IL5RA: variants seen among roughly 807,000 people sequenced by gnomAD.
The protein encoded by IL5RA is interleukin 5 receptor subunit alpha, also known as interleukin-5 receptor subunit alpha.
Under a neutral mutation model 50.0 loss-of-function variants are expected in IL5RA, and 49 were observed. The observed-to-expected ratio is 0.98, with a 90% CI of 0.78 to 1.24. The LOEUF (loss-of-function observed/expected upper bound fraction) is 1.24. IL5RA is among the 50% of genes most tolerant of loss of function. The probability of loss-of-function intolerance (pLI) is 0.00; values close to 1 mark genes in which losing one functional copy is unlikely to be tolerated. For synonymous variants in IL5RA, 202 were observed against 174.0 expected (o/e 1.16, Z -1.26); for missense variants, 600 against 500.4 (o/e 1.20, Z -1.90).
chr3:3,101,566 T>C, intron 5 of IL5RA, 126 bp downstream of exon 5: 1 of 821,496 alleles, frequency 1.2e-6, no homozygotes, highest in Non-Finnish European at 1.9e-6. Flanking sequence ...ATGTTGTTGA[T>C]ATGGGAGAGT....
rs1315359288 is a variant in IL5RA, at chr3:3,095,394, G to A, written c.760C>T (p.Leu254Phe). The A allele has an allele frequency of 6.2e-7, 1 of 1,611,704 alleles. No homozygotes were observed. The highest frequency in any genetic ancestry group is 8.5e-7 in the Non-Finnish European group (1 of 1,177,894). ...ACTGGTTTCTCCCATTGGATAGAGA[G>A]ACGAGTTCCTTCAATCTCTGCTGTG... ...NVTAEIEGTR[L>F]SIQWEKPVSA... Residue 254 changes from leucine to phenylalanine, a missense_variant, in exon 8 of 12, where the codon CTC becomes TTC. Transcript: ENST00000446632.
chr3:3,094,262 T>C (rs1703258145), intron 8 of IL5RA, among the ~76,000 whole-genome samples: 1 of 152,214 alleles, frequency 6.6e-6, no homozygotes, highest in Admixed American at 6.5e-5. Context: ...CATTAAACAA[T>C]ACCTCTCCTT....
intron 8 of IL5RA, among the ~76,000 whole-genome samples, 157 bp downstream of exon 8, chr3:3,095,142 A>G (rs1410271151): frequency 6.6e-6 from 1 of 152,218 alleles, no homozygotes; most frequent in Non-Finnish European, 1.5e-5. Flanking sequence ...TTTGGTTTAT[A>G]TCTATTTGGT....
chr3:3,091,853 C>A (rs1703124831), intron 9 of IL5RA: 1 of 352,182 alleles, frequency 2.8e-6, no homozygotes, highest in Non-Finnish European at 4.1e-6. Flanking sequence ...TAAGATGTTA[C>A]CCTTGAGGAA....
At chr3:3,073,106 G>T (rs1167458814) in intron 11 of IL5RA, among the ~76,000 whole-genome samples, 1 of 152,172 alleles carries the variant, frequency 6.6e-6, no homozygotes, top group Non-Finnish European at 1.5e-5. Flanking sequence ...TGGGCAGAAT[G>T]ATTCTTTTGC....
At chr3:3,076,476 T>C in intron 10 of IL5RA, 55 bp downstream of exon 10, 1 of 1,129,354 alleles carries the variant, frequency 8.9e-7, no homozygotes. Context: ...GGTAAGCCTG[T>C]AAAAATGCAG....
chr3:3,076,531 A>G lies in IL5RA; in HGVS notation c.1091T>C (p.Ile364Thr), dbSNP rs377354558. The G allele has an allele frequency of 6.3e-7, 1 of 1,595,932 alleles. No homozygotes were observed. The highest frequency in any genetic ancestry group is 1.3e-5 in the African/African-American group (1 of 74,486). Residue 364 changes from isoleucine (I) to threonine (T), a missense_variant and splice_region_variant, in exon 10 of 12, where the codon ATA becomes ACA. Coordinates refer to ENST00000446632, the MANE Select transcript of IL5RA (RefSeq NM_175726.4). Reference sequence around the variant, plus strand: ...GCACGCAAATGTAAAGAACACTTACATTTTACAGATAAGCGAGAGAATTAA... The same window carrying G: ...GCACGCAAATGTAAAGAACACTTACGTTTTACAGATAAGCGAGAGAATTAA... ...ILLILSLICK[I>T]CHLWIKLFPP...
At chr3:3,102,227 A>C (rs1252452333) in intron 4 of IL5RA, among the ~76,000 whole-genome samples, 7 of 152,200 alleles carry the variant, frequency 4.6e-5, no homozygotes, top group Non-Finnish European at 7.3e-5. Flanking sequence ...CCCGAGGTAA[A>C]ACTGAGGCTC....
chr3:3,087,381 G>A (rs1702909029), intron 9 of IL5RA, among the ~76,000 whole-genome samples: 1 of 152,050 alleles, frequency 6.6e-6, no homozygotes, highest in African/African-American at 2.4e-5. Context: ...CTTACCAACA[G>A]AGCTGGACAG....
chr3:3,074,613 C>T (rs972339550), intron 11 of IL5RA, among the ~76,000 whole-genome samples, 169 bp downstream of exon 11: 1 of 152,102 alleles, frequency 6.6e-6, no homozygotes, highest in Non-Finnish European at 1.5e-5. Flanking sequence ...TTAAAAAATA[C>T]AAACAACTGA....
chr3:3,102,724 T>C lies in IL5RA; in HGVS notation c.179A>G (p.Asn60Ser). Residue 60 changes from asparagine (N) to serine (S), a missense_variant, in exon 4 of 12, where the codon AAT becomes AGT. By Grantham distance (46) the Asn-to-Ser change is conservative. Coordinates refer to ENST00000446632, the MANE Select transcript of IL5RA (RefSeq NM_175726.4). ...WKPNPDQEQRNVNLEYQVKIN... is the reference protein window; with the variant it reads ...WKPNPDQEQRSVNLEYQVKIN... ...TTTCACTTGATATTCTAGATTAACA[T>C]TCCTTTGCTCTTGATCAGGATTTGG... 1 of 1,609,218 alleles carries C rather than the reference T, an allele frequency of 6.2e-7. No homozygotes were observed. Among genetic ancestry groups the C allele is most frequent in the Non-Finnish European group, 8.5e-7 (1 of 1,176,428 alleles).
intron 4 of IL5RA, among the ~76,000 whole-genome samples, 157 bp from the exon 5 acceptor site, chr3:3,101,987 T>C (rs1164811671): frequency 6.6e-6 from 1 of 152,200 alleles, no homozygotes; most frequent in African/African-American, 2.4e-5. Context: ...ACCATTGTAA[T>C]AACAACATAG....
intron 7 of IL5RA, among the ~76,000 whole-genome samples, chr3:3,096,308 A>AAGT (rs1703366926): frequency 6.6e-6 from 1 of 150,590 alleles, no homozygotes; most frequent in Non-Finnish European, 1.5e-5. Flanking sequence ...GAAGAAGAAG[A>AAGT]AGAGTGGATT....
intron 9 of IL5RA, among the ~76,000 whole-genome samples, chr3:3,085,019 T>C (rs1702798827): frequency 6.6e-6 from 1 of 152,218 alleles, no homozygotes; most frequent in Non-Finnish European, 1.5e-5. Context: ...CATTTGGAGA[T>C]GAAATCTGAA....
At chr3:3,072,575 A>T (rs1702338962) in intron 11 of IL5RA, among the ~76,000 whole-genome samples, 1 of 152,242 alleles carries the variant, frequency 6.6e-6, no homozygotes. Context: ...AGATACCAGC[A>T]TTAAGATGTT....
chr3:3,082,921 G>C (rs1702718677), intron 9 of IL5RA, among the ~76,000 whole-genome samples: 2 of 152,304 alleles, frequency 1.3e-5, no homozygotes, highest in Admixed American at 1.3e-4. Context: ...TCTGATTTCA[G>C]ACTCAACAAT....
chr3:3,080,975 C>T (rs1054115227), intron 9 of IL5RA, among the ~76,000 whole-genome samples: 3 of 152,188 alleles, frequency 2.0e-5, no homozygotes, highest in South Asian at 2.1e-4. Context: ...AGATTACAAG[C>T]GTGACCAACT....
In IL5RA at chr3:3,066,424, A is replaced by G. The variant is rs1317023561; in HGVS notation, c.*3801T>C. 1.3e-5 allele frequency: 2 copies of G among 152,214 alleles called. No individual in the cohort carries two copies. Among genetic ancestry groups the G allele is most frequent in the East Asian group, 3.8e-4 (2 of 5,196 alleles). 9.4% of individuals were successfully genotyped at this position (152,214 alleles called of 1,614,324 possible). A position where few individuals can be genotyped will look rare whatever the true frequency, so the allele number is the denominator to read the frequency against. ...GATAAGCATGATTGTCTTATAGTAC[A>G]ATACAAAATTCCAAAGGAAGGAATG... On this transcript the variant is annotated 3_prime_UTR_variant, in exon 12 of 12. Transcript: ENST00000446632.
At chr3:3,087,306 G>C (rs555374255) in intron 9 of IL5RA, among the ~76,000 whole-genome samples, 1 of 152,270 alleles carries the variant, frequency 6.6e-6, no homozygotes, top group East Asian at 1.9e-4. Flanking sequence ...AGCAAGCAAA[G>C]AGCACTCACT....
Sources: gnomAD v4.1 joint callset for allele counts (sites outside exome capture counted in the v4.1 genomes callset) on GRCh38, gnomAD v4.1.1 for gene constraint, MANE v1.5 for transcripts, NCBI Gene and HGNC (gene_info 2026-07-23, HGNC 2026-07-21) for gene names.